Variants in MAP4K3 observed in about 807,000 individuals in gnomAD.
MAP4K3 encodes MAPK/ERK kinase kinase kinase 3.
In MAP4K3, 94 loss-of-function variants were observed where a neutral mutation model predicts 143.5. The observed-to-expected ratio is 0.65, with a 90% CI of 0.55 to 0.78. The LOEUF (loss-of-function observed/expected upper bound fraction) is 0.78, where lower values mean the gene tolerates loss of function less well. Ranked by LOEUF, MAP4K3 falls within the 30% of genes least tolerant of loss-of-function variation. The pLI, the probability that MAP4K3 is intolerant of heterozygous loss-of-function variation, is 0.00. For missense variants in MAP4K3, 1,077 were observed against 1,068.1 expected (o/e 1.01, Z -0.12); for synonymous variants, 416 against 347.2 (o/e 1.20, Z -2.20).
chr2:39,332,678 T>C (rs1683719579), intron 7 of MAP4K3, among the ~76,000 whole-genome samples: 1 of 152,044 alleles, frequency 6.6e-6, no homozygotes, highest in African/African-American at 2.4e-5. Context: ...AAACTGCTGA[T>C]AAAAACTGTT....
At chr2:39,396,587 C>T (rs1424439053) in intron 1 of MAP4K3, among the ~76,000 whole-genome samples, 1 of 151,600 alleles carries the variant, frequency 6.6e-6, no homozygotes, top group African/African-American at 2.4e-5. Flanking sequence ...CATTCTCCTG[C>T]CTCAGCCTCC....
rs143580691 is a variant in MAP4K3 at position 39,258,371 on chromosome 2, A to C, written c.2447T>G (p.Phe816Cys). ...SSRKLSSELT[F>C]DFQIESIVCL... ...ACCTATTGATTCAATCTGGAAATCA[A>C]AGGTGAGTTCTGATGACAATTTCCT... Residue 816 changes from phenylalanine to cysteine, a missense_variant, in exon 31 of 34, where the codon TTT (phenylalanine) becomes TGT (cysteine). Around this residue, in one of 2 missense-constraint regions of MAP4K3, gnomAD observed 864 missense variants for 801.2 expected, o/e 1.08. Coordinates refer to ENST00000263881, the MANE Select transcript of MAP4K3 (RefSeq NM_003618.4). The C allele has an allele frequency of 1.9e-6, 3 of 1,606,830 alleles. No homozygotes were observed. The highest frequency in any genetic ancestry group is 2.6e-6 in the Non-Finnish European group (3 of 1,176,248).
At chr2:39,377,380 TTA>T (rs1380708791) in intron 2 of MAP4K3, among the ~76,000 whole-genome samples, 1 of 152,002 alleles carries the variant, frequency 6.6e-6, no homozygotes, top group Non-Finnish European at 1.5e-5. Flanking sequence ...ACTAGCACAA[TTA>T]TAGACTTGCT....
At chr2:39,292,606 C>G (rs1237983026) in intron 18 of MAP4K3, among the ~76,000 whole-genome samples, 167 bp downstream of exon 18, 1 of 152,112 alleles carries the variant, frequency 6.6e-6, no homozygotes, top group African/African-American at 2.4e-5. Context: ...TTTGTTATGT[C>G]AGCCCAAGTT....
At chr2:39,420,661 C>T (rs1359997790) in intron 1 of MAP4K3, among the ~76,000 whole-genome samples, 1 of 151,994 alleles carries the variant, frequency 6.6e-6, no homozygotes, top group Non-Finnish European at 1.5e-5. Context: ...AATCCTCCCA[C>T]CTCAGCATCC....
At chr2:39,365,430 A>AATTT (rs201894555) in intron 2 of MAP4K3, among the ~76,000 whole-genome samples, 113 of 87,894 alleles carry the variant, frequency 1.3e-3, no homozygotes, top group Non-Finnish European at 1.5e-3. Flanking sequence ...CGCCATAGTA[A>AATTT]TTTTTTTTTT....
intron 1 of MAP4K3, among the ~76,000 whole-genome samples, chr2:39,420,014 C>T (rs1440507392): frequency 6.6e-6 from 1 of 152,178 alleles, no homozygotes; most frequent in Non-Finnish European, 1.5e-5. Flanking sequence ...TTTCAATGGT[C>T]TCTTCTTTCC....
At chr2:39,253,137 CTT>C (rs935074403) in intron 32 of MAP4K3, among the ~76,000 whole-genome samples, 1 of 151,862 alleles carries the variant, frequency 6.6e-6, no homozygotes, top group Non-Finnish European at 1.5e-5. Flanking sequence ...TAGCAGCCAC[CTT>C]TTTTTTGGAG....
chr2:39,361,987 G>C (rs1325713749), intron 2 of MAP4K3, among the ~76,000 whole-genome samples: 1 of 151,916 alleles, frequency 6.6e-6, no homozygotes, highest in Non-Finnish European at 1.5e-5. Flanking sequence ...CTTCCCTTCT[G>C]AATAGAAGAA....
At chr2:39,274,438 T>G (rs541772170) in intron 24 of MAP4K3, among the ~76,000 whole-genome samples, 1 of 152,172 alleles carries the variant, frequency 6.6e-6, no homozygotes, top group Admixed American at 6.5e-5. Flanking sequence ...GCCAGGATGG[T>G]CTCGATCTCC....
intron 12 of MAP4K3, among the ~76,000 whole-genome samples, chr2:39,318,504 A>G (rs1683194349): frequency 6.6e-6 from 1 of 152,100 alleles, no homozygotes; most frequent in Admixed American, 6.5e-5. Flanking sequence ...AAATACTCTC[A>G]TTTTTCCTCT....
chr2:39,251,789 C>T, intron 33 of MAP4K3, 41 bp downstream of exon 33: 1 of 1,509,488 alleles, frequency 6.6e-7, no homozygotes, highest in Non-Finnish European at 9.1e-7. Context: ...ATCTATAAAA[C>T]ACGTTTAGTA....
intron 7 of MAP4K3, among the ~76,000 whole-genome samples, chr2:39,332,208 A>G (rs1683706015): frequency 6.6e-6 from 1 of 152,102 alleles, no homozygotes; most frequent in South Asian, 2.1e-4. Flanking sequence ...ATTCCCATAT[A>G]TCCCCACATA....
intron 27 of MAP4K3, among the ~76,000 whole-genome samples, 155 bp downstream of exon 27, chr2:39,267,034 C>T (rs1239238551): frequency 6.6e-6 from 1 of 152,074 alleles, no homozygotes; most frequent in African/African-American, 2.4e-5. Flanking sequence ...ATGTATTAGG[C>T]TTAGTCTACA....
intron 1 of MAP4K3, among the ~76,000 whole-genome samples, chr2:39,397,366 A>G (rs1666837790): frequency 6.6e-6 from 1 of 152,214 alleles, no homozygotes; most frequent in Non-Finnish European, 1.5e-5. Flanking sequence ...AACAACAGCA[A>G]AAATAAAGAC....
intron 1 of MAP4K3, among the ~76,000 whole-genome samples, chr2:39,425,916 CATTATAGTAATAAT>C (rs1365725079): frequency 6.6e-6 from 1 of 152,042 alleles, no homozygotes; most frequent in Non-Finnish European, 1.5e-5. Context: ...ATTTGGGAAC[CATTATAGTAATAAT>C]TCAAGTAGAA....
chr2:39,409,080 A>T (rs1667169683), intron 1 of MAP4K3, among the ~76,000 whole-genome samples: 1 of 152,032 alleles, frequency 6.6e-6, no homozygotes, highest in Non-Finnish European at 1.5e-5. Context: ...AGCAAAACCA[A>T]CCCTTCCTCT....
chr2:39,325,488 T>C (rs1683457602), intron 12 of MAP4K3, 30 bp downstream of exon 12: 2 of 1,481,802 alleles, frequency 1.3e-6, no homozygotes, highest in East Asian at 4.5e-5. Flanking sequence ...ATACATGTTA[T>C]ATATGCCCGC....
chr2:39,270,331 G>T (rs1680960625), intron 26 of MAP4K3, among the ~76,000 whole-genome samples: 1 of 152,190 alleles, frequency 6.6e-6, no homozygotes, highest in Non-Finnish European at 1.5e-5. Context: ...TTTTAGTCAT[G>T]ATTTTATGAA....
Sources: gnomAD v4.1 joint callset for allele counts (sites outside exome capture counted in the v4.1 genomes callset) on GRCh38, gnomAD v4.1.1 for gene constraint, gnomAD v4.1.1 regional missense constraint, MANE v1.5 for transcripts, NCBI Gene and HGNC (gene_info 2026-07-23, HGNC 2026-07-21) for gene names.